RADIL: variants seen among roughly 807,000 people sequenced by gnomAD.
RADIL encodes ras-associating and dilute domain-containing protein.
Under a neutral mutation model 97.6 loss-of-function variants are expected in RADIL, and 99 were observed. That is an observed-to-expected ratio of 1.01 (90% confidence interval 0.86 to 1.20). RADIL has a LOEUF of 1.20. RADIL is among the 50% of genes most tolerant of loss of function. The probability of loss-of-function intolerance (pLI) is 0.00; values close to 1 mark genes in which losing one functional copy is unlikely to be tolerated. For synonymous variants in RADIL, 803 were observed against 691.8 expected (o/e 1.16, Z -2.52); for missense variants, 1,765 against 1,498.9 (o/e 1.18, Z -2.93).
In RADIL at chr7:4,797,110, C is replaced by T. The variant is rs1781948695; in HGVS notation, c.*2268G>A. The T allele has an allele frequency of 6.6e-6, 1 of 152,278 alleles. No individual in the cohort carries two copies. Among genetic ancestry groups the T allele is most frequent in the Non-Finnish European group, 1.5e-5 (1 of 68,080 alleles). 9.4% of individuals were successfully genotyped at this position (152,278 alleles called of 1,614,324 possible). A position where few individuals can be genotyped will look rare whatever the true frequency, so the allele number is the denominator to read the frequency against. On this transcript the variant is annotated 3_prime_UTR_variant, in exon 15 of 15. Transcript: ENST00000399583. ...CTGGCTGGGAAGTCGTTCTGCTCCA[C>T]GTGGTGTCCCCGGGATCACTGGTGG...
rs114770454 is a variant in RADIL, at chr7:4,864,730, A to G, written c.535+12875T>C. 2.1e-3 allele frequency among the ~76,000 whole-genome samples: 314 copies of G among 152,296 alleles called. 2 individuals carry two copies. The highest frequency in any genetic ancestry group is 7.3e-3 in the African/African-American group (304 of 41,554). Reference sequence around the variant, plus strand: ...CAAGTTCTGTTGATTTCACCTCCAGAATATACTTAAAATCCCTCTACTGCT... The same window carrying G: ...CAAGTTCTGTTGATTTCACCTCCAGGATATACTTAAAATCCCTCTACTGCT... On this transcript the variant is annotated intron_variant, in intron 2 of 14. Coordinates refer to ENST00000399583, the MANE Select transcript of RADIL (RefSeq NM_018059.5).
rs773207295 is a variant in RADIL, at chr7:4,877,636, C to T, written c.504G>A (p.Leu168=). The change falls in exon 2 of 15, where the codon CTG becomes CTA. Residue 168 remains leucine, a synonymous_variant. Transcript: ENST00000399583. ...TGATGGTGTCCACCTCCTTGGCTGC[C>T]AGCTCCTCCACGTCCGACCTCTTCC... ...ELRKRSDVEE[L]AAKEVDTITA... is the part of the protein sequence containing the mutation. 2 of 1,608,958 alleles carry T rather than the reference C, an allele frequency of 1.2e-6. No homozygotes were observed. Among genetic ancestry groups the T allele is most frequent in the East Asian group, 2.2e-5 (1 of 44,862 alleles).
chr7:4,872,199 T>G lies in RADIL; in HGVS notation c.535+5406A>C, dbSNP rs997962200. 6.6e-6 allele frequency among the ~76,000 whole-genome samples: 1 copy of G among 152,106 alleles called. No homozygotes were observed. Among genetic ancestry groups the G allele is most frequent in the Admixed American group, 6.5e-5 (1 of 15,272 alleles). Reference sequence around the variant, plus strand: ...CCAGGTCCAATACTGCAGCTCTCAATAGAGGGCAGGTCTGCCTCCAGGGAA... The same window carrying G: ...CCAGGTCCAATACTGCAGCTCTCAAGAGAGGGCAGGTCTGCCTCCAGGGAA... On this transcript the variant is annotated intron_variant, in intron 2 of 14. Coordinates refer to ENST00000399583, the MANE Select transcript of RADIL (RefSeq NM_018059.5). This position sits in a 1 kb window ranked among gnomAD's most constrained non-coding sequence, Gnocchi z 5.8.
intron 9 of RADIL, chr7:4,809,011 C>A: frequency 2.9e-6 from 2 of 689,296 alleles, no homozygotes; most frequent in Non-Finnish European, 3.4e-6. Flanking sequence ...CCTTCCGACG[C>A]CACTGCCCCC....
intron 2 of RADIL, chr7:4,857,616 G>T (rs1783865361): frequency 6.6e-6 from 1 of 152,440 alleles, no homozygotes; most frequent in Non-Finnish European, 1.5e-5. Context: ...CTACGTTCTA[G>T]ACTTAGTAAG....
intron 5 of RADIL, among the ~76,000 whole-genome samples, chr7:4,828,388 G>A (rs1375165789): frequency 1.3e-5 from 2 of 152,248 alleles, no homozygotes; most frequent in African/African-American, 2.4e-5. Flanking sequence ...AGCCCAGGAG[G>A]TGGAGGTTGC....
rs540740997 is a variant in RADIL at position 4,881,726 on chromosome 7, CAA to C, written c.-65+1868_-65+1869del. On this transcript the variant is annotated intron_variant, in intron 1 of 14. Coordinates refer to ENST00000399583, the MANE Select transcript of RADIL (RefSeq NM_018059.5). ...TGGGCAACAGAGTGAGACTCCGTCT[CAA>C]AAAAAAAAAAAAAGACAAAAATTAT... is the stretch of plus-strand genomic sequence containing the variant. Among the ~76,000 whole-genome samples the C allele has an allele frequency of 8.3e-4, 66 of 79,142 alleles. 1 individual carries two copies. In the East Asian group the frequency reaches 0.015, roughly 18 times the overall value. The allele number at this position is 79,142 out of a possible 152,430, so 51.9% of individuals were successfully genotyped here. A position where few individuals can be genotyped will look rare whatever the true frequency, so the allele number is the denominator to read the frequency against.
chr7:4,807,290 G>A (rs557403151), intron 9 of RADIL, among the ~76,000 whole-genome samples: 8 of 151,974 alleles, frequency 5.3e-5, no homozygotes, highest in Non-Finnish European at 1.0e-4. Context: ...CAACACCACC[G>A]GCCCCCACCA....
intron 12 of RADIL, among the ~76,000 whole-genome samples, chr7:4,801,097 C>G (rs534072470): frequency 7.6e-6 from 1 of 132,048 alleles, no homozygotes; most frequent in Admixed American, 7.2e-5. Context: ...CACCCATGCA[C>G]AGATGCACAC....
At position 4,836,435 on chromosome 7, in the gene RADIL, G is replaced by C; in HGVS notation, c.706C>G (p.Pro236Ala). The change falls in exon 3 of 15, where the codon CCC (proline) becomes GCC (alanine). Residue 236 changes from proline (P) to alanine (A), a missense_variant. Transcript: ENST00000399583. ...LPAAAQGPEE[P>A]GPDAMRYSLY... ...GAGTACCGCATGGCGTCGGGGCCGG[G>C]CTCCTCGGGGCCCTGGGCGGCAGCG... is the stretch of plus-strand genomic sequence containing the variant. The C allele has an allele frequency of 6.3e-7, 1 of 1,594,146 alleles. No individual in the cohort carries two copies. Among genetic ancestry groups the C allele is most frequent in the Non-Finnish European group, 8.5e-7 (1 of 1,170,558 alleles).
intron 2 of RADIL, among the ~76,000 whole-genome samples, chr7:4,874,716 G>A (rs149089757): frequency 1.0e-3 from 152 of 152,336 alleles, no homozygotes; most frequent in Admixed American, 3.9e-3. Flanking sequence ...GTGAGCAGGG[G>A]TGCTTTCGCT....
rs1210280481 is a variant in RADIL at position 4,798,361 on chromosome 7, C to G, written c.*1017G>C. ...CACCGATCTGGGGACCCCGCACAGA[C>G]CTCTGTCCCAGTGAGAGGTGCATCT... On this transcript the variant is annotated 3_prime_UTR_variant, in exon 15 of 15. Transcript: ENST00000399583. 6.6e-6 allele frequency: 1 copy of G among 152,226 alleles called. No individual in the cohort carries two copies. The highest frequency in any genetic ancestry group is 2.4e-5 in the African/African-American group (1 of 41,452). 9.4% of individuals were successfully genotyped at this position (152,226 alleles called of 1,614,324 possible).
Position 4,817,228 on chromosome 7 carries a change from C to T in RADIL, c.1728+11G>A, listed in dbSNP as rs375427985. On this transcript the variant is annotated intron_variant, in intron 7 of 14. Coordinates refer to ENST00000399583, the MANE Select transcript of RADIL (RefSeq NM_018059.5). This position sits in a 1 kb window ranked among gnomAD's most constrained non-coding sequence, Gnocchi z 8.3. ...GCTGCCTGAGTGCAGAAGCAGAGCC[C>T]GTCCGTGCACCTTGGAGACATAGTA... is the stretch of plus-strand genomic sequence containing the variant. 91 of 1,602,536 alleles carry T rather than the reference C, an allele frequency of 5.7e-5. No individual in the cohort carries two copies. The highest frequency in any genetic ancestry group is 1.9e-4 in the South Asian group (17 of 90,060).
At chr7:4,800,116 C>T in intron 13 of RADIL, 55 bp downstream of exon 13, 1 of 1,554,434 alleles carries the variant, frequency 6.4e-7, no homozygotes, top group Non-Finnish European at 8.6e-7. Flanking sequence ...CTTGCATGAA[C>T]AGGCGGGGCC....
chr7:4,844,962 C>CTGG (rs1783532941), intron 2 of RADIL, among the ~76,000 whole-genome samples: 2 of 151,760 alleles, frequency 1.3e-5, no homozygotes, highest in South Asian at 4.2e-4. Context: ...AGGAGTCAAC[C>CTGG]ACATGTGGCC....
chr7:4,874,862 A>C (rs1784333881), intron 2 of RADIL, among the ~76,000 whole-genome samples: 1 of 152,096 alleles, frequency 6.6e-6, no homozygotes, highest in Non-Finnish European at 1.5e-5. Flanking sequence ...GTTCGAGACC[A>C]GCCTGGCCAA....
intron 9 of RADIL, chr7:4,809,089 C>G (rs1446595083): frequency 1.0e-6 from 1 of 984,290 alleles, no homozygotes; most frequent in Non-Finnish European, 1.2e-6. Flanking sequence ...CTCCTGTAGA[C>G]GCTCTGCTCA....
intron 2 of RADIL, among the ~76,000 whole-genome samples, chr7:4,851,773 G>A (rs974000464): frequency 3.3e-5 from 5 of 152,178 alleles, no homozygotes; most frequent in Non-Finnish European, 5.9e-5. Context: ...AACCAGGACT[G>A]GACAAGTTTG....
chr7:4,815,559 T>A lies in RADIL; in HGVS notation c.1967-109A>T, dbSNP rs1782656078. The A allele has an allele frequency of 5.8e-6, 7 of 1,208,414 alleles. No homozygotes were observed. The highest frequency in any genetic ancestry group is 7.8e-6 in the Non-Finnish European group (7 of 895,892). 74.9% of individuals were successfully genotyped at this position (1,208,414 alleles called of 1,614,324 possible). The stretch of plus-strand genomic sequence containing the variant: ...TCCCGGCTCTGGGCCACTGAGGACA[T>A]CACAGCTCGATGACAGGCAGGACAC... On this transcript the variant is annotated intron_variant, in intron 8 of 14. Transcript: ENST00000399583. This position sits in a 1 kb window ranked among gnomAD's most constrained non-coding sequence, Gnocchi z 8.0.
Sources: allele counts gnomAD v4.1 joint callset (sites outside exome capture counted in the v4.1 genomes callset), GRCh38; gene constraint gnomAD v4.1.1; non-coding constraint Gnocchi (gnomAD v3.1); transcripts MANE v1.5; gene names NCBI Gene and HGNC (gene_info 2026-07-23, HGNC 2026-07-21).